The following SPMIP7 variants were observed in gnomAD, a reference collection of about 807,000 sequenced individuals.
SPMIP7 encodes sperm microtubule inner protein 7.
At chr7:50,143,115 T>G in the SPMIP7 span, among the ~76,000 whole-genome samples, 1 of 151,768 alleles carries the variant, frequency 6.6e-6, no homozygotes, top group Admixed American at 6.6e-5. Context: ...CACTTAATCA[T>G]GGCTGGGAAA....
At chr7:50,137,517 T>C in the SPMIP7 span, among the ~76,000 whole-genome samples, 2 of 152,160 alleles carry the variant, frequency 1.3e-5, no homozygotes, top group Admixed American at 6.5e-5. Flanking sequence ...TTCTGAGTTT[T>C]ATATACTCAT....
chr7:50,156,878 G>A, the SPMIP7 span, among the ~76,000 whole-genome samples: 3 of 151,808 alleles, frequency 2.0e-5, no homozygotes, highest in East Asian at 3.9e-4. Context: ...CTCCCCTCTC[G>A]TTCCTTTCAC....
the SPMIP7 span, among the ~76,000 whole-genome samples, chr7:50,129,131 G>C: frequency 2.0e-5 from 3 of 151,754 alleles, no homozygotes; most frequent in Non-Finnish European, 2.9e-5. Flanking sequence ...ACTAGAAAAA[G>C]TTTACATTTG....
the SPMIP7 span, among the ~76,000 whole-genome samples, chr7:50,125,313 T>C: frequency 1.3e-4 from 3 of 23,240 alleles, no homozygotes; most frequent in East Asian, 1.8e-3. Flanking sequence ...TATATACCCA[T>C]ATATACATAT....
At chr7:50,158,984 T>G in the SPMIP7 span, 2 of 1,504,170 alleles carry the variant, frequency 1.3e-6, no homozygotes, top group Non-Finnish European at 9.0e-7. Flanking sequence ...TTGGATGAGG[T>G]TGTGTATTTG....
chr7:50,134,406 G>C, the SPMIP7 span, among the ~76,000 whole-genome samples: 1 of 151,114 alleles, frequency 6.6e-6, no homozygotes, highest in Admixed American at 6.6e-5. Context: ...ACACACACAC[G>C]TATGGAGTTG....
the SPMIP7 span, chr7:50,117,176 TTA>T: frequency 4.5e-6 from 2 of 445,104 alleles, no homozygotes; most frequent in African/African-American, 4.0e-5. Flanking sequence ...GCCTTCAGTT[TTA>T]TGACTTCCAA....
At chr7:50,119,673 T>C in the SPMIP7 span, among the ~76,000 whole-genome samples, 6 of 152,230 alleles carry the variant, frequency 3.9e-5, no homozygotes, top group Non-Finnish European at 5.9e-5. Flanking sequence ...CCTATGCTTA[T>C]TGAAAACAAT....
At chr7:50,112,209 T>G in the SPMIP7 span, among the ~76,000 whole-genome samples, 1 of 152,082 alleles carries the variant, frequency 6.6e-6, no homozygotes, top group African/African-American at 2.4e-5. Flanking sequence ...AGATAAAGAA[T>G]ATTTAAAAGT....
the SPMIP7 span, among the ~76,000 whole-genome samples, chr7:50,146,949 C>G: frequency 6.6e-6 from 1 of 152,182 alleles, no homozygotes; most frequent in Non-Finnish European, 1.5e-5. Flanking sequence ...GACTGATGGC[C>G]AATTATAGGT....
the SPMIP7 span, among the ~76,000 whole-genome samples, chr7:50,158,829 C>T: frequency 6.6e-6 from 1 of 152,082 alleles, no homozygotes; most frequent in Non-Finnish European, 1.5e-5. Context: ...TTCTGCAGAT[C>T]ACCCCCATCC....
the SPMIP7 span, among the ~76,000 whole-genome samples, chr7:50,121,505 G>C: frequency 6.6e-6 from 1 of 152,056 alleles, no homozygotes; most frequent in Admixed American, 6.6e-5. Context: ...ATTTTTGTAT[G>C]TCACTTCTGT....
the SPMIP7 span, among the ~76,000 whole-genome samples, chr7:50,115,948 CT>C: frequency 6.6e-6 from 1 of 152,116 alleles, no homozygotes; most frequent in Non-Finnish European, 1.5e-5. Context: ...GTTCTCTTTT[CT>C]CCTCCTCCTT....
chr7:50,136,563 A>AG, the SPMIP7 span, among the ~76,000 whole-genome samples: 4 of 152,100 alleles, frequency 2.6e-5, no homozygotes, highest in Non-Finnish European at 4.4e-5. Context: ...AATATAAAAT[A>AG]GGGAGGGCTT....
chr7:50,130,523 C>T, the SPMIP7 span, among the ~76,000 whole-genome samples: 5 of 152,032 alleles, frequency 3.3e-5, no homozygotes, highest in Non-Finnish European at 5.9e-5. Flanking sequence ...AATTCAAGGT[C>T]AGATTTGGGT....
the SPMIP7 span, among the ~76,000 whole-genome samples, chr7:50,114,979 G>A: frequency 1.0e-3 from 155 of 148,848 alleles, no homozygotes; most frequent in African/African-American, 3.5e-3. Context: ...GCAGTGAGCC[G>A]AGATCACACC....
chr7:50,121,664 C>A, the SPMIP7 span, among the ~76,000 whole-genome samples: 1 of 147,924 alleles, frequency 6.8e-6, no homozygotes, highest in Non-Finnish European at 1.5e-5. Flanking sequence ...TTTTTCTTTT[C>A]TTTTTTTGAG....
the SPMIP7 span, among the ~76,000 whole-genome samples, chr7:50,125,147 C>T: frequency 1.6e-4 from 17 of 108,424 alleles, 2 homozygotes; most frequent in African/African-American, 2.2e-4. Flanking sequence ...CACACATATA[C>T]ACACATATAT....
the SPMIP7 span, among the ~76,000 whole-genome samples, chr7:50,118,032 T>C: frequency 1.3e-5 from 2 of 152,190 alleles, no homozygotes; most frequent in East Asian, 1.9e-4. Context: ...CAGATTTCTA[T>C]GCTAAATCAA....
Sources: gnomAD v4.1 joint callset for allele counts (sites outside exome capture counted in the v4.1 genomes callset) on GRCh38, gnomAD v4.1.1 for gene constraint, MANE v1.5 for transcripts, NCBI Gene and HGNC (gene_info 2026-07-23, HGNC 2026-07-21) for gene names.